Variants in RALYL observed in about 807,000 individuals in gnomAD.
The protein encoded by RALYL is RALY RNA binding protein like, also known as RNA-binding Raly-like protein.
Under a neutral mutation model 35.1 loss-of-function variants are expected in RALYL, and 29 were observed. The ratio of observed to expected loss-of-function variants is 0.83; its 90% confidence interval spans 0.61 to 1.13. The LOEUF is 1.13. Among genes scored for constraint, RALYL ranks in the 50% most tolerant of loss-of-function variants. The pLI is 0.00. For synonymous variants in RALYL, 120 were observed against 127.6 expected (o/e 0.94, Z 0.40); for missense variants, 359 against 360.4 (o/e 1.00, Z 0.03).
intron 2 of RALYL, among the ~76,000 whole-genome samples, chr8:84,613,746 A>G (rs1818830065): frequency 6.6e-6 from 1 of 151,406 alleles, no homozygotes; most frequent in Non-Finnish European, 1.5e-5. Flanking sequence ...ACATAGCTAA[A>G]GCATTAACAT....
At position 84,628,231 on chromosome 8, in the gene RALYL, A is replaced by G. The variant is rs184265885; in HGVS notation, c.256+98654A>G. On this transcript the variant is annotated intron_variant, in intron 2 of 8. Coordinates refer to ENST00000521268, the MANE Select transcript of RALYL (RefSeq NM_173848.7). ...CAACATTTATGCAACTTCTCAGCCC[A>G]TGAATATTTTCTTCCTGCATTCACA... is the stretch of plus-strand genomic sequence containing the variant. Among the ~76,000 whole-genome samples the G allele has an allele frequency of 3.9e-5, 6 of 152,060 alleles. No homozygotes were observed. The South Asian group carries it at 6.2e-4, about 16-fold the overall frequency.
At chr8:84,847,212 C>T (rs1160688888) in intron 4 of RALYL, among the ~76,000 whole-genome samples, 2 of 152,220 alleles carry the variant, frequency 1.3e-5, no homozygotes, top group African/African-American at 2.4e-5. Context: ...GATTCCCCTG[C>T]CAATTCAAAT....
intron 1 of RALYL, among the ~76,000 whole-genome samples, chr8:84,267,070 C>A (rs1315827572): frequency 1.3e-5 from 2 of 151,606 alleles, no homozygotes; most frequent in East Asian, 3.9e-4. Flanking sequence ...AGGACTTAAG[C>A]AGCGGATGTG....
At chr8:84,900,956 T>G (rs1845579027) in intron 8 of RALYL, among the ~76,000 whole-genome samples, 1 of 152,088 alleles carries the variant, frequency 6.6e-6, no homozygotes, top group Non-Finnish European at 1.5e-5. Context: ...GGAAAAGTAC[T>G]GGAGGATGGT....
chr8:84,721,893 T>C lies in RALYL; in HGVS notation c.257-52686T>C, dbSNP rs528209441. On this transcript the variant is annotated intron_variant, in intron 2 of 8. Coordinates refer to ENST00000521268, the MANE Select transcript of RALYL (RefSeq NM_173848.7). ...CTCTGTTCTTTCATTGTCTTCTCCA[T>C]TATTACTGCTACTCAGTAATGGTAT... 1.1e-4 allele frequency among the ~76,000 whole-genome samples: 16 copies of C among 152,282 alleles called. No homozygotes were observed. The South Asian group carries it at 3.3e-3, about 32-fold the overall frequency.
intron 8 of RALYL, among the ~76,000 whole-genome samples, chr8:84,904,757 C>T (rs1846206714): frequency 1.3e-5 from 2 of 152,104 alleles, no homozygotes. Flanking sequence ...AAAAATGGCA[C>T]TGTAACCATG....
chr8:84,458,526 G>C (rs919606101), intron 1 of RALYL, among the ~76,000 whole-genome samples: 1 of 151,678 alleles, frequency 6.6e-6, no homozygotes, highest in Admixed American at 6.6e-5. Flanking sequence ...ATGATACTGT[G>C]ATATGCTTTC....
chr8:84,515,668 A>G (rs1409162043), intron 1 of RALYL, among the ~76,000 whole-genome samples: 1 of 152,188 alleles, frequency 6.6e-6, no homozygotes, highest in African/African-American at 2.4e-5. Flanking sequence ...CTTGCCAGAA[A>G]GGACAGTGAT....
In RALYL at chr8:84,766,737, A is replaced by AC. The variant is rs1280956049; in HGVS notation, c.257-7842_257-7841insC. ...GACTGTCTCAAAAAAAAAAAAAAAAAAAAAAAAAAAACTCCCAAAACATTG... is the reference window on the plus strand; with the variant it reads ...GACTGTCTCAAAAAAAAAAAAAAAAACAAAAAAAAAAACTCCCAAAACATTG... On this transcript the variant is annotated intron_variant, in intron 2 of 8. Transcript: ENST00000521268. Among the ~76,000 whole-genome samples the AC allele has an allele frequency of 7.2e-4, 107 of 148,724 alleles. 2 individuals are homozygous for AC. Among genetic ancestry groups the AC allele is most frequent in the African/African-American group, 2.6e-3 (107 of 40,906 alleles).
chr8:84,214,552 T>G (rs1354364128), intron 1 of RALYL, among the ~76,000 whole-genome samples: 1 of 152,174 alleles, frequency 6.6e-6, no homozygotes, highest in Non-Finnish European at 1.5e-5. Context: ...TAGTTATATG[T>G]TAAATTTTTC....
chr8:84,870,261 AT>A (rs200284241), intron 6 of RALYL, among the ~76,000 whole-genome samples: 2,562 of 142,286 alleles, frequency 0.018, 43 homozygotes, highest in Admixed American at 0.048. Flanking sequence ...TTTGTGTATA[AT>A]TTTTTTTTTT....
At chr8:84,538,563 G>T (rs1349004339) in intron 2 of RALYL, among the ~76,000 whole-genome samples, 2 of 151,974 alleles carry the variant, frequency 1.3e-5, no homozygotes, top group African/African-American at 4.8e-5. Context: ...AAAACATAGT[G>T]CCTCCACCAA....
In RALYL at chr8:84,623,267, G is replaced by A. The variant is rs969578630; in HGVS notation, c.256+93690G>A. ...TAAAGAATTAATGTGTCATGTTATC[G>A]TGACACATTAATTTTAGATACATCA... On this transcript the variant is annotated intron_variant, in intron 2 of 8. Coordinates refer to ENST00000521268, the MANE Select transcript of RALYL (RefSeq NM_173848.7). Among the ~76,000 whole-genome samples, 37 of 152,168 alleles carry A rather than the reference G, an allele frequency of 2.4e-4. 1 individual carries two copies. In the East Asian group the frequency reaches 3.7e-3, roughly 15 times the overall value.
chr8:84,842,104 A>T (rs1166472040), intron 4 of RALYL, among the ~76,000 whole-genome samples: 1 of 152,222 alleles, frequency 6.6e-6, no homozygotes, highest in Non-Finnish European at 1.5e-5. Context: ...AAAAGGCAAG[A>T]AATAACTAAG....
At chr8:84,262,935 G>T (rs183267016) in intron 1 of RALYL, among the ~76,000 whole-genome samples, 1 of 152,106 alleles carries the variant, frequency 6.6e-6, no homozygotes, top group South Asian at 2.1e-4. Context: ...AATTGGAAAG[G>T]TACCTGTTGA....
intron 2 of RALYL, among the ~76,000 whole-genome samples, chr8:84,737,431 C>T (rs1329893529): frequency 6.6e-6 from 1 of 151,850 alleles, no homozygotes; most frequent in Non-Finnish European, 1.5e-5. Flanking sequence ...TTCTTTCTTT[C>T]CTGACCTAAT....
intron 1 of RALYL, among the ~76,000 whole-genome samples, chr8:84,467,646 A>G (rs1248031217): frequency 6.6e-6 from 1 of 151,988 alleles, no homozygotes; most frequent in Non-Finnish European, 1.5e-5. Flanking sequence ...AGTTCTGTAG[A>G]TGTCTATTAG....
intron 2 of RALYL, among the ~76,000 whole-genome samples, chr8:84,738,705 C>T (rs1382376279): frequency 6.6e-6 from 1 of 151,958 alleles, no homozygotes; most frequent in Non-Finnish European, 1.5e-5. Flanking sequence ...TACTTTAGCA[C>T]ATTGTAAACC....
chr8:84,880,159 A>T (rs560649246), intron 7 of RALYL, among the ~76,000 whole-genome samples: 1 of 152,080 alleles, frequency 6.6e-6, no homozygotes, highest in Non-Finnish European at 1.5e-5. Flanking sequence ...ATCTTATTCA[A>T]TGATAACATG....
Sources: gnomAD v4.1 joint callset for allele counts (sites outside exome capture counted in the v4.1 genomes callset) on GRCh38, gnomAD v4.1.1 for gene constraint, MANE v1.5 for transcripts, NCBI Gene and HGNC (gene_info 2026-07-23, HGNC 2026-07-21) for gene names.